Variants in TCF20 observed in about 807,000 individuals in gnomAD.
TCF20 encodes the protein transcription factor 20.
Under a neutral mutation model 148.6 loss-of-function variants are expected in TCF20, and 3 were observed. The observed-to-expected ratio is 0.02, with a 90% confidence interval of 0.01 to 0.05. The LOEUF (loss-of-function observed/expected upper bound fraction) is 0.05, where lower values mean the gene tolerates loss of function less well. TCF20 is among the 10% of genes least tolerant of loss of function. The pLI is 1.00. For missense variants in TCF20, 2,350 were observed against 2,429.3 expected (o/e 0.97, Z 0.69); for synonymous variants, 1,049 against 909.5 (o/e 1.15, Z -2.76).
At chr22:42,306,162 G>A (rs1005854245) in intron 1 of TCF20, among the ~76,000 whole-genome samples, 3 of 152,254 alleles carry the variant, frequency 2.0e-5, no homozygotes, top group Non-Finnish European at 2.9e-5. Context: ...TGGCTAAGCC[G>A]GAGACGGAGC....
chr22:42,228,273 C>A (rs1923089201), intron 1 of TCF20, among the ~76,000 whole-genome samples: 1 of 152,192 alleles, frequency 6.6e-6, no homozygotes, highest in Admixed American at 6.5e-5. Context: ...CGGACACAGT[C>A]TGAAGTCAGA....
At chr22:42,192,241 A>G (rs1022165220) in intron 2 of TCF20, among the ~76,000 whole-genome samples, 7 of 152,292 alleles carry the variant, frequency 4.6e-5, no homozygotes, top group East Asian at 1.9e-4. Context: ...TTCAGTGCAG[A>G]AACGACAAAC....
At chr22:42,237,191 C>T (rs955750326) in intron 1 of TCF20, among the ~76,000 whole-genome samples, 6 of 152,160 alleles carry the variant, frequency 3.9e-5, no homozygotes, top group Admixed American at 1.3e-4. Context: ...TCTTCAACCC[C>T]GCCACTGCTT....
At chr22:42,193,166 A>C (rs890674454) in intron 2 of TCF20, among the ~76,000 whole-genome samples, 2 of 152,144 alleles carry the variant, frequency 1.3e-5, no homozygotes, top group African/African-American at 4.8e-5. Flanking sequence ...AAAAGGAAAA[A>C]GGAAAAAAAG....
At chr22:42,174,039 TC>T (rs879727020) in intron 3 of TCF20, among the ~76,000 whole-genome samples, 13 of 152,118 alleles carry the variant, frequency 8.5e-5, no homozygotes, top group Admixed American at 7.9e-4. Context: ...GTCCTGCGCT[TC>T]TCTGCTGGTG....
At chr22:42,168,887 G>T in intron 4 of TCF20, 151 bp from the exon 5 acceptor site, 2 of 1,037,692 alleles carry the variant, frequency 1.9e-6, no homozygotes, top group Non-Finnish European at 2.6e-6. Flanking sequence ...TTCAGACAGG[G>T]TTTTCTGAGG....
intron 3 of TCF20, among the ~76,000 whole-genome samples, chr22:42,172,370 A>G (rs767036593): frequency 6.6e-6 from 1 of 152,220 alleles, no homozygotes; most frequent in Non-Finnish European, 1.5e-5. Context: ...AACTGCACCT[A>G]CATGGCCAGC....
At chr22:42,342,027 T>C (rs1173953453) in intron 1 of TCF20, among the ~76,000 whole-genome samples, 2 of 151,976 alleles carry the variant, frequency 1.3e-5, no homozygotes, top group African/African-American at 4.8e-5. Flanking sequence ...GACCCAGTGC[T>C]TAGGGGGTCT....
chr22:42,190,003 AAG>A (rs1937248267), intron 2 of TCF20, among the ~76,000 whole-genome samples: 1 of 152,202 alleles, frequency 6.6e-6, no homozygotes, highest in African/African-American at 2.4e-5. Flanking sequence ...GCAGGGCTAA[AAG>A]AAACTTATAC....
At chr22:42,176,914 T>C (rs1366548478) in intron 3 of TCF20, among the ~76,000 whole-genome samples, 1 of 152,070 alleles carries the variant, frequency 6.6e-6, no homozygotes, top group Non-Finnish European at 1.5e-5. Flanking sequence ...ATGGGAGAAA[T>C]AAGTTCTAGT....
chr22:42,211,820 G>C lies in TCF20; in HGVS notation c.3486C>G (p.Arg1162=), dbSNP rs773217382. 6.2e-7 allele frequency: 1 copy of C among 1,614,166 alleles called. No homozygotes were observed. Among genetic ancestry groups the C allele is most frequent in the South Asian group, 1.1e-5 (1 of 91,080 alleles). The change falls in exon 2 of 6, where the codon CGC becomes CGG. Residue 1162 remains arginine, a synonymous_variant. Coordinates refer to ENST00000677622, the MANE Select transcript of TCF20 (RefSeq NM_001378418.1). ...YHDPSAQEAG[R]CLMSSDGLPN... ...GCAGACCATCACTAGACATTAGGCA[G>C]CGCCCAGCCTCCTGGGCACTGGGGT... is the stretch of plus-strand genomic sequence containing the variant.
At chr22:42,256,911 C>G (rs1925775881) in intron 1 of TCF20, among the ~76,000 whole-genome samples, 1 of 152,178 alleles carries the variant, frequency 6.6e-6, no homozygotes, top group South Asian at 2.1e-4. Flanking sequence ...GTAATCCCAG[C>G]ACTTTGGAAG....
intron 2 of TCF20, among the ~76,000 whole-genome samples, chr22:42,196,203 G>A (rs1032874672): frequency 1.1e-4 from 16 of 152,244 alleles, no homozygotes; most frequent in Non-Finnish European, 7.3e-5. Flanking sequence ...TGACTTGGGG[G>A]ATTTGACCCA....
chr22:42,323,319 G>GGTGGCA (rs1601706453), intron 1 of TCF20, among the ~76,000 whole-genome samples: 1 of 121,228 alleles, frequency 8.2e-6, no homozygotes, highest in African/African-American at 4.4e-5. Context: ...GGGATGGCAG[G>GGTGGCA]GTGGCAGTGG....
chr22:42,303,383 A>G (rs534609287), intron 1 of TCF20, among the ~76,000 whole-genome samples: 2 of 152,364 alleles, frequency 1.3e-5, no homozygotes, highest in East Asian at 3.9e-4. Context: ...CCCTTGCCCC[A>G]GATCAGACAG....
intron 2 of TCF20, among the ~76,000 whole-genome samples, chr22:42,192,235 G>C (rs954026126): frequency 7.9e-5 from 12 of 152,152 alleles, no homozygotes; most frequent in African/African-American, 2.9e-4. Context: ...TACAGTTTCA[G>C]TGCAGAAACG....
chr22:42,229,228 C>A (rs1426551354), intron 1 of TCF20, among the ~76,000 whole-genome samples: 1 of 152,044 alleles, frequency 6.6e-6, no homozygotes, highest in Non-Finnish European at 1.5e-5. Context: ...ATGATCACAG[C>A]AGAGATGTCC....
intron 1 of TCF20, among the ~76,000 whole-genome samples, chr22:42,243,316 A>AAAAAAC (rs1924623019): frequency 6.9e-6 from 1 of 145,876 alleles, no homozygotes; most frequent in Non-Finnish European, 1.5e-5. Flanking sequence ...AAAAAAAAAA[A>AAAAAAC]AAAAAGTCAG....
At chr22:42,198,665 G>GTTTTT (rs56309420) in intron 2 of TCF20, among the ~76,000 whole-genome samples, 1 of 140,582 alleles carries the variant, frequency 7.1e-6, no homozygotes, top group East Asian at 2.0e-4. Flanking sequence ...ATTTTTCCAA[G>GTTTTT]TTTTTTTTTT....
Sources: gnomAD v4.1 joint callset for allele counts (sites outside exome capture counted in the v4.1 genomes callset) on GRCh38, gnomAD v4.1.1 for gene constraint, MANE v1.5 for transcripts, NCBI Gene and HGNC (gene_info 2026-07-23, HGNC 2026-07-21) for gene names.